The following PHF24 variants were observed in gnomAD, a reference collection of about 807,000 sequenced individuals.
The protein encoded by PHF24 is Galpha inhibitory interacting protein.
In PHF24, 25 loss-of-function variants were observed where a neutral mutation model predicts 42.6. The observed-to-expected ratio is 0.59, with a 90% confidence interval of 0.43 to 0.82. The LOEUF (loss-of-function observed/expected upper bound fraction) is 0.82. Among genes scored for constraint, PHF24 ranks in the 40% least tolerant of loss-of-function variants. PHF24 has a pLI of 0.00. For missense variants in PHF24, 470 were observed against 538.1 expected, an observed-to-expected ratio of 0.87 and a Z score of 1.25; for synonymous variants, 185 against 204.8, an observed-to-expected ratio of 0.90 and a Z score of 0.83.
the PHF24 span, chr9:34,837,059 A>G: frequency 3.6e-5 from 17 of 471,378 alleles, no homozygotes; most frequent in East Asian, 2.8e-4. Flanking sequence ...AAACAGCAAT[A>G]GATCACCTTT....
intron 1 of PHF24, 27 bp from the exon 2 acceptor site, chr9:34,971,268 C>T (rs1251404817): frequency 7.0e-6 from 11 of 1,565,982 alleles, no homozygotes; most frequent in South Asian, 1.2e-5. Flanking sequence ...TTGGCTGAAC[C>T]TGTGCCCCTC....
the PHF24 span, among the ~76,000 whole-genome samples, chr9:34,816,835 A>G: frequency 5.3e-5 from 8 of 152,192 alleles, no homozygotes; most frequent in African/African-American, 1.7e-4. Context: ...AGACCTCCCA[A>G]CCACACAGAC....
At chr9:34,793,778 C>CT in the PHF24 span, among the ~76,000 whole-genome samples, 3,291 of 144,256 alleles carry the variant, frequency 0.023, 112 homozygotes, top group African/African-American at 0.078. Flanking sequence ...TCCTCTGTTT[C>CT]TTTTTTTTTT....
At chr9:34,701,768 C>G in the PHF24 span, among the ~76,000 whole-genome samples, 7 of 152,170 alleles carry the variant, frequency 4.6e-5, no homozygotes, top group Non-Finnish European at 1.0e-4. This position sits in a 1 kb window ranked among gnomAD's most constrained non-coding sequence, Gnocchi z 5.8. Flanking sequence ...ACCCAGGCCC[C>G]CGAGCCTCGG....
the PHF24 span, among the ~76,000 whole-genome samples, chr9:34,773,469 T>A: frequency 6.6e-6 from 1 of 150,574 alleles, no homozygotes; most frequent in Non-Finnish European, 1.5e-5. Flanking sequence ...AATTCAGAAG[T>A]CAACTGCAAG....
chr9:34,670,794 G>A, the PHF24 span, among the ~76,000 whole-genome samples: 84,829 of 151,870 alleles, frequency 0.56, 24,084 homozygotes, highest in East Asian at 0.8. Flanking sequence ...CTTCTCTGTA[G>A]TACTAAGATA....
At chr9:34,720,772 T>C in the PHF24 span, among the ~76,000 whole-genome samples, 1 of 152,184 alleles carries the variant, frequency 6.6e-6, no homozygotes, top group East Asian at 1.9e-4. Flanking sequence ...CATTTAGAGC[T>C]TTCTCTGTGA....
the PHF24 span, among the ~76,000 whole-genome samples, chr9:34,754,422 G>C: frequency 6.6e-6 from 1 of 151,984 alleles, no homozygotes; most frequent in South Asian, 2.1e-4. Flanking sequence ...TCTAAGAAAA[G>C]GTGCTCAACA....
At chr9:34,702,591 C>T in the PHF24 span, among the ~76,000 whole-genome samples, 2,541 of 152,306 alleles carry the variant, frequency 0.017, 34 homozygotes, top group Non-Finnish European at 0.026. Context: ...TAGCAATAGA[C>T]GTAGGTCACC....
At chr9:34,893,804 A>G in the PHF24 span, among the ~76,000 whole-genome samples, 14 of 152,104 alleles carry the variant, frequency 9.2e-5, no homozygotes, top group Non-Finnish European at 1.8e-4. Context: ...CGGTTAGCTG[A>G]TGGGGCATCA....
At chr9:34,706,352 A>G in the PHF24 span, among the ~76,000 whole-genome samples, 1 of 152,208 alleles carries the variant, frequency 6.6e-6, no homozygotes, top group Non-Finnish European at 1.5e-5. Flanking sequence ...AATGTTTAAA[A>G]TAGGTAAATC....
chr9:34,672,893 A>C, the PHF24 span, among the ~76,000 whole-genome samples: 5 of 152,110 alleles, frequency 3.3e-5, 1 homozygote, highest in Admixed American at 2.0e-4. Flanking sequence ...TGCAGCCTTG[A>C]ACTCCTGGTC....
At chr9:34,944,405 C>T in the PHF24 span, among the ~76,000 whole-genome samples, 1 of 152,232 alleles carries the variant, frequency 6.6e-6, no homozygotes, top group Non-Finnish European at 1.5e-5. Context: ...TCTATCACTT[C>T]CTGGCCAGGT....
the PHF24 span, among the ~76,000 whole-genome samples, chr9:34,932,724 A>T: frequency 6.6e-6 from 1 of 151,776 alleles, no homozygotes; most frequent in Admixed American, 6.6e-5. Flanking sequence ...GTATATTCTT[A>T]AAAATATGTA....
chr9:34,764,094 G>T, the PHF24 span, among the ~76,000 whole-genome samples: 1 of 152,234 alleles, frequency 6.6e-6, no homozygotes, highest in South Asian at 2.1e-4. Context: ...GCTGGATTCG[G>T]TTTGCCAGTA....
the PHF24 span, among the ~76,000 whole-genome samples, chr9:34,879,366 A>G: frequency 1.3e-5 from 2 of 152,222 alleles, no homozygotes; most frequent in South Asian, 2.1e-4. Flanking sequence ...AATGACTTTG[A>G]TGAGTTGAGA....
the PHF24 span, among the ~76,000 whole-genome samples, chr9:34,687,443 G>A: frequency 6.6e-6 from 1 of 152,070 alleles, no homozygotes; most frequent in Non-Finnish European, 1.5e-5. Flanking sequence ...CTGACAAATG[G>A]GGAAACTGGA....
chr9:34,942,952 A>G, the PHF24 span, among the ~76,000 whole-genome samples: 1 of 152,194 alleles, frequency 6.6e-6, no homozygotes, highest in Non-Finnish European at 1.5e-5. Flanking sequence ...ATACCTATGT[A>G]ATAAACCTGC....
chr9:34,682,150 ATTTT>A, the PHF24 span, among the ~76,000 whole-genome samples: 1 of 93,098 alleles, frequency 1.1e-5, no homozygotes, highest in African/African-American at 4.3e-5. Flanking sequence ...AATTATTTCT[ATTTT>A]TTTTTTTTTT....
Sources: allele counts gnomAD v4.1 joint callset (sites outside exome capture counted in the v4.1 genomes callset), GRCh38; gene constraint gnomAD v4.1.1; non-coding constraint Gnocchi (gnomAD v3.1); transcripts MANE v1.5; gene names NCBI Gene and HGNC (gene_info 2026-07-23, HGNC 2026-07-21).